The following IQCM variants were observed in gnomAD, a reference collection of about 807,000 sequenced individuals.
IQCM encodes the protein IQ domain-containing protein M.
Under a neutral mutation model 57.6 loss-of-function variants are expected in IQCM, and 45 were observed. The observed-to-expected ratio is 0.78, with a 90% CI of 0.62 to 1.00. IQCM has a LOEUF of 1.00. IQCM is among the 50% of genes least tolerant of loss of function. The pLI is 0.00. For synonymous variants in IQCM, 148 were observed against 158.9 expected (o/e 0.93, Z 0.51); for missense variants, 468 against 511.6 (o/e 0.91, Z 0.82).
At chr4:149,800,008 AATACCCTG>A (rs1773464341) in intron 2 of IQCM, among the ~76,000 whole-genome samples, 1 of 151,870 alleles carries the variant, frequency 6.6e-6, no homozygotes, top group South Asian at 2.1e-4. Context: ...ACAATCTAGT[AATACCCTG>A]ATACCAAAAC....
intron 2 of IQCM, among the ~76,000 whole-genome samples, chr4:149,800,533 C>A (rs538556273): frequency 6.6e-6 from 1 of 151,662 alleles, no homozygotes; most frequent in South Asian, 2.1e-4. Context: ...GGCATCCAAA[C>A]TGGAAAGGAA....
intron 5 of IQCM, among the ~76,000 whole-genome samples, chr4:149,702,342 T>C (rs1205769294): frequency 1.3e-5 from 2 of 149,898 alleles, no homozygotes; most frequent in Non-Finnish European, 3.0e-5. Flanking sequence ...CCATAGCACA[T>C]TGGCATTTGA....
chr4:149,563,147 A>G lies in IQCM; in HGVS notation c.948+545T>C, dbSNP rs186476516. 1.7e-3 allele frequency among the ~76,000 whole-genome samples: 252 copies of G among 152,312 alleles called. 2 individuals carry two copies. In the Middle Eastern group the frequency reaches 0.017, roughly 10 times the overall value. On this transcript the variant is annotated intron_variant, in intron 10 of 13. Transcript: ENST00000636793. ...GAAAGTTGACCAGGTAGATATTTGTATATGTGTGTAATTCTTTTGAAATTG... is the reference window on the plus strand; with the variant it reads ...GAAAGTTGACCAGGTAGATATTTGTGTATGTGTGTAATTCTTTTGAAATTG...
intron 13 of IQCM, among the ~76,000 whole-genome samples, chr4:149,355,200 A>G (rs1016854186): frequency 6.6e-6 from 1 of 152,184 alleles, no homozygotes; most frequent in African/African-American, 2.4e-5. Flanking sequence ...AAATATAAGT[A>G]CACATAATAT....
intron 13 of IQCM, among the ~76,000 whole-genome samples, chr4:149,404,783 C>A (rs1460418060): frequency 1.3e-5 from 2 of 151,842 alleles, no homozygotes; most frequent in Non-Finnish European, 2.9e-5. Context: ...AATATGTATA[C>A]AAATATAAGG....
At chr4:149,743,835 A>T (rs1437801497) in intron 2 of IQCM, among the ~76,000 whole-genome samples, 1 of 152,206 alleles carries the variant, frequency 6.6e-6, no homozygotes. Context: ...TTACCTCTAT[A>T]TCCAAGGAGT....
chr4:149,761,737 A>C (rs1398924505), intron 2 of IQCM, among the ~76,000 whole-genome samples: 1 of 152,116 alleles, frequency 6.6e-6, no homozygotes, highest in African/African-American at 2.4e-5. Context: ...AACTATTTGC[A>C]AAACAATTGA....
At chr4:149,371,724 T>C (rs1225043373) in intron 13 of IQCM, among the ~76,000 whole-genome samples, 3 of 152,196 alleles carry the variant, frequency 2.0e-5, no homozygotes, top group African/African-American at 7.2e-5. Flanking sequence ...TGCTGACAGA[T>C]CATGAAAGTT....
At chr4:149,547,040 G>C (rs1208621363) in intron 12 of IQCM, among the ~76,000 whole-genome samples, 1 of 152,070 alleles carries the variant, frequency 6.6e-6, no homozygotes, top group African/African-American at 2.4e-5. Context: ...TCTACATATG[G>C]CTAGCCAGTT....
chr4:149,717,598 T>C (rs1765107502), intron 5 of IQCM, among the ~76,000 whole-genome samples: 1 of 152,238 alleles, frequency 6.6e-6, no homozygotes, highest in Non-Finnish European at 1.5e-5. Context: ...CAGCCTCAAA[T>C]GTTTAAAGTT....
chr4:149,426,779 A>C (rs1387166151), intron 13 of IQCM, among the ~76,000 whole-genome samples: 1 of 151,972 alleles, frequency 6.6e-6, no homozygotes, highest in African/African-American at 2.4e-5. Context: ...GCAAGGAAGA[A>C]GCCAGACTCT....
At chr4:149,712,227 G>GC (rs1436906064) in intron 5 of IQCM, among the ~76,000 whole-genome samples, 1 of 152,150 alleles carries the variant, frequency 6.6e-6, no homozygotes, top group Non-Finnish European at 1.5e-5. Flanking sequence ...ATTCATGCAG[G>GC]CCAGAGAAAT....
intron 13 of IQCM, among the ~76,000 whole-genome samples, chr4:149,368,630 T>G (rs1730009906): frequency 6.6e-6 from 1 of 150,886 alleles, no homozygotes; most frequent in Non-Finnish European, 1.5e-5. Context: ...TTTTAGGGCT[T>G]TGAATTTGAA....
chr4:149,401,785 G>T (rs185014092), intron 13 of IQCM, among the ~76,000 whole-genome samples: 1 of 151,822 alleles, frequency 6.6e-6, no homozygotes, highest in East Asian at 1.9e-4. Context: ...TTATTTTTCA[G>T]CACTGCTAAT....
intron 13 of IQCM, among the ~76,000 whole-genome samples, chr4:149,424,659 AATTT>A (rs1189131075): frequency 6.6e-6 from 1 of 151,792 alleles, no homozygotes; most frequent in Non-Finnish European, 1.5e-5. Context: ...TTTTCATTAA[AATTT>A]ATTTTTCATA....
At chr4:149,788,337 A>G (rs1772263340) in intron 2 of IQCM, among the ~76,000 whole-genome samples, 1 of 152,188 alleles carries the variant, frequency 6.6e-6, no homozygotes, top group African/African-American at 2.4e-5. Flanking sequence ...CCATCTCAAA[A>G]AACAAAAAAC....
intron 12 of IQCM, among the ~76,000 whole-genome samples, chr4:149,468,204 G>A (rs1018190373): frequency 3.3e-5 from 5 of 152,126 alleles, no homozygotes. Context: ...AGCACAAGGG[G>A]TCAGGAAATT....
chr4:149,620,152 G>A lies in IQCM; in HGVS notation c.681+977C>T, dbSNP rs577175648. Among the ~76,000 whole-genome samples the A allele has an allele frequency of 2.3e-4, 33 of 146,306 alleles. No homozygotes were observed. In the South Asian group the frequency reaches 2.5e-3, roughly 11 times the overall value. ...AGCCTGAGCAACAGAGAGAGACTCC[G>A]TCTCAAAAACAAAAAAAAAAGAAAA... On this transcript the variant is annotated intron_variant, in intron 8 of 13. Coordinates refer to ENST00000636793, the MANE Select transcript of IQCM (RefSeq NM_001363507.2).
intron 8 of IQCM, among the ~76,000 whole-genome samples, chr4:149,597,173 A>C (rs1029114835): frequency 6.6e-6 from 1 of 152,150 alleles, no homozygotes; most frequent in Non-Finnish European, 1.5e-5. Flanking sequence ...TTAAAATTGG[A>C]AATTCAGTGA....
Sources: gnomAD v4.1 joint callset for allele counts (sites outside exome capture counted in the v4.1 genomes callset) on GRCh38, gnomAD v4.1.1 for gene constraint, MANE v1.5 for transcripts, NCBI Gene and HGNC (gene_info 2026-07-23, HGNC 2026-07-21) for gene names.